The following RBFOX1 variants were observed in gnomAD, a reference collection of about 807,000 sequenced individuals.
The protein encoded by RBFOX1 is RNA binding fox-1 homolog 1, also known as RNA binding protein fox-1 homolog 1.
In RBFOX1, 8 loss-of-function variants were observed where a neutral mutation model predicts 57.7. The observed-to-expected ratio is 0.14, with a 90% CI of 0.08 to 0.25. RBFOX1 has a LOEUF of 0.25. Among genes scored for constraint, RBFOX1 ranks in the 10% least tolerant of loss-of-function variants. RBFOX1 has a pLI of 1.00. For synonymous variants in RBFOX1, 326 were observed against 222.4 expected, an observed-to-expected ratio of 1.47 and a Z score of -4.15; for missense variants, 611 against 548.5, an observed-to-expected ratio of 1.11 and a Z score of -1.14.
intron 4 of RBFOX1, among the ~76,000 whole-genome samples, chr16:5,876,054 A>G (rs1437961799): frequency 6.6e-6 from 1 of 152,052 alleles, no homozygotes; most frequent in Non-Finnish European, 1.5e-5. Flanking sequence ...CGTGTTAGCC[A>G]GGGTAGTCTT....
intron 6 of RBFOX1, among the ~76,000 whole-genome samples, chr16:7,583,012 A>G: frequency 6.6e-6 from 1 of 151,708 alleles, no homozygotes. Flanking sequence ...GACTCATTTT[A>G]TTTCTAATTT....
intron 2 of RBFOX1, among the ~76,000 whole-genome samples, chr16:5,535,263 A>C (rs929771273): frequency 5.3e-5 from 8 of 152,138 alleles, no homozygotes; most frequent in African/African-American, 1.9e-4. Context: ...TCAACTCCAA[A>C]ATCTCACCTG....
At chr16:6,512,561 C>G (rs2345079) in intron 2 of RBFOX1, among the ~76,000 whole-genome samples, 18,524 of 152,016 alleles carry the variant, frequency 0.12, 1,963 homozygotes, top group East Asian at 0.42. Context: ...TACACAAGAG[C>G]CTCTTTTTAG....
intron 3 of RBFOX1, among the ~76,000 whole-genome samples, chr16:5,771,396 T>C (rs1210548849): frequency 1.3e-5 from 2 of 152,116 alleles, no homozygotes; most frequent in Non-Finnish European, 2.9e-5. Context: ...AAGTATTTCA[T>C]TGTGTTTGTT....
At chr16:6,356,037 A>C (rs143139031) in intron 2 of RBFOX1, among the ~76,000 whole-genome samples, 9 of 152,364 alleles carry the variant, frequency 5.9e-5, no homozygotes, top group Non-Finnish European at 1.2e-4. Context: ...AAAGTATTAA[A>C]ATAAATATTC....
intron 1 of RBFOX1, among the ~76,000 whole-genome samples, chr16:5,273,633 G>A (rs2063070232): frequency 6.6e-6 from 1 of 152,166 alleles, no homozygotes; most frequent in Non-Finnish European, 1.5e-5. Context: ...ATCAGAGGAA[G>A]CCAAGATGAA....
At chr16:7,539,434 C>T (rs556468503) in intron 5 of RBFOX1, among the ~76,000 whole-genome samples, 2 of 152,286 alleles carry the variant, frequency 1.3e-5, no homozygotes, top group South Asian at 4.1e-4. Flanking sequence ...ATAGGAGTCT[C>T]TTCTTGTAGG....
chr16:6,648,679 C>T (rs940996886), intron 2 of RBFOX1, among the ~76,000 whole-genome samples: 1 of 152,082 alleles, frequency 6.6e-6, no homozygotes, highest in Non-Finnish European at 1.5e-5. Flanking sequence ...TCCGTGCAAA[C>T]CTCATATTTT....
chr16:6,508,494 C>G (rs188103665), intron 2 of RBFOX1, among the ~76,000 whole-genome samples: 1 of 152,096 alleles, frequency 6.6e-6, no homozygotes, highest in Non-Finnish European at 1.5e-5. Flanking sequence ...CATAATTCAG[C>G]TAATCCCTTA....
intron 3 of RBFOX1, among the ~76,000 whole-genome samples, chr16:6,747,496 C>A (rs562684231): frequency 2.1e-3 from 323 of 152,208 alleles, no homozygotes; most frequent in Non-Finnish European, 3.0e-3. Context: ...GTCTATCTGT[C>A]TTACTGGTTT....
intron 1 of RBFOX1, among the ~76,000 whole-genome samples, chr16:6,224,631 G>A (rs984614647): frequency 3.9e-5 from 6 of 152,120 alleles, no homozygotes; most frequent in Non-Finnish European, 5.9e-5. Context: ...TGCTTCATAT[G>A]TACCACCTAC....
chr16:5,934,091 C>G (rs1458360753), intron 4 of RBFOX1, among the ~76,000 whole-genome samples: 1 of 152,168 alleles, frequency 6.6e-6, no homozygotes. Flanking sequence ...GGCCTCCAGC[C>G]CCATCCATGT....
intron 3 of RBFOX1, among the ~76,000 whole-genome samples, chr16:6,865,137 G>C (rs985961917): frequency 6.6e-6 from 1 of 151,386 alleles, no homozygotes; most frequent in African/African-American, 2.4e-5. Flanking sequence ...CAAGTAGCTG[G>C]GATTACAGGT....
At chr16:7,523,977 C>G (rs1057496834) in intron 5 of RBFOX1, among the ~76,000 whole-genome samples, 2 of 152,130 alleles carry the variant, frequency 1.3e-5, no homozygotes, top group African/African-American at 4.8e-5. Flanking sequence ...AACTATGGTT[C>G]TCCCCACCCT....
At chr16:6,708,366 T>C (rs908819001) in intron 3 of RBFOX1, among the ~76,000 whole-genome samples, 5 of 152,180 alleles carry the variant, frequency 3.3e-5, no homozygotes, top group African/African-American at 1.2e-4. Flanking sequence ...TTCTGTTTTC[T>C]TACTTTCCAT....
rs1308296987 is a variant in RBFOX1, at chr16:5,908,060, A to ATGTGTGTATGTG, written c.351+40736_351+40737insGTGTGTGTATGT. Among the ~76,000 whole-genome samples, 150 of 119,566 alleles carry ATGTGTGTATGTG rather than the reference A, an allele frequency of 1.3e-3. 4 individuals are homozygous for ATGTGTGTATGTG. Among genetic ancestry groups the ATGTGTGTATGTG allele is most frequent in the African/African-American group, 4.9e-3 (144 of 29,404 alleles). The allele number at this position is 119,566 out of a possible 152,430, so 78.4% of individuals were successfully genotyped here. A position where few individuals can be genotyped will look rare whatever the true frequency, so the allele number is the denominator to read the frequency against. ...GCCATAGCACCTGGTAGATGTATGT[A>ATGTGTGTATGTG]TGTGTGTATGTATATATATATATAT... On this transcript the variant is annotated intron_variant, in intron 4 of 19. Coordinates refer to the RBFOX1 transcript ENST00000641259.
At chr16:7,287,619 T>C (rs560797391) in intron 4 of RBFOX1, among the ~76,000 whole-genome samples, 8 of 152,322 alleles carry the variant, frequency 5.3e-5, no homozygotes, top group African/African-American at 1.9e-4. Context: ...ATAATGAAAG[T>C]ACTTCACGCT....
At chr16:7,085,983 G>C (rs2059927727) in intron 4 of RBFOX1, among the ~76,000 whole-genome samples, 1 of 152,128 alleles carries the variant, frequency 6.6e-6, no homozygotes, top group Non-Finnish European at 1.5e-5. Context: ...GTGCCTGATT[G>C]AGAACTTGTC....
intron 4 of RBFOX1, among the ~76,000 whole-genome samples, chr16:5,901,287 A>G (rs760123645): frequency 8.5e-5 from 13 of 152,086 alleles, no homozygotes; most frequent in Non-Finnish European, 1.3e-4. Flanking sequence ...CCTCTTTGAA[A>G]CAATTTTATG....
Sources: gnomAD v4.1 joint callset for allele counts (sites outside exome capture counted in the v4.1 genomes callset) on GRCh38, gnomAD v4.1.1 for gene constraint, MANE v1.5 for transcripts, NCBI Gene and HGNC (gene_info 2026-07-23, HGNC 2026-07-21) for gene names.